Variants in TRAK2 observed in about 807,000 individuals in gnomAD.
TRAK2 encodes the protein trafficking kinesin protein 2.
TRAK2 carries 81 observed loss-of-function variants against 104.6 expected under a neutral mutation model. The ratio of observed to expected loss-of-function variants is 0.77; its 90% CI spans 0.65 to 0.93. The LOEUF (loss-of-function observed/expected upper bound fraction) is 0.93, where lower values mean the gene tolerates loss of function less well. TRAK2 is among the 40% of genes least tolerant of loss of function. TRAK2 has a pLI of 0.00. For synonymous variants in TRAK2, 406 were observed against 394.4 expected (o/e 1.03, Z -0.35); for missense variants, 1,002 against 1,089.0 (o/e 0.92, Z 1.12).
intron 7 of TRAK2, among the ~76,000 whole-genome samples, chr2:201,396,784 G>A (rs984708872): frequency 3.9e-5 from 6 of 152,058 alleles, no homozygotes; most frequent in Admixed American, 6.6e-5. Flanking sequence ...CTGGACAAAC[G>A]GATGATTCAT....
rs1236962789 is a variant in TRAK2 at position 201,398,232 on chromosome 2, A to G, written c.603T>C (p.Phe201=). ...CSTPLRFNES[F]SLSQGLLQLE... The stretch of plus-strand genomic sequence containing the variant: ...ACTGCAGCAACCCTTGAGATAAGCT[A>G]AAGGACTCATTGAACCGAAGAGGTG... The change falls in exon 6 of 16, where the codon TTT becomes TTC. Residue 201 remains phenylalanine, a synonymous_variant. Coordinates refer to ENST00000332624, the MANE Select transcript of TRAK2 (RefSeq NM_015049.3). The G allele has an allele frequency of 1.9e-6, 3 of 1,613,800 alleles. No individual in the cohort carries two copies. The highest frequency in any genetic ancestry group is 2.2e-5 in the South Asian group (2 of 91,068).
intron 1 of TRAK2, among the ~76,000 whole-genome samples, chr2:201,436,597 A>G (rs1951881209): frequency 6.6e-6 from 1 of 152,240 alleles, no homozygotes. Context: ...ACAAATTTTA[A>G]AAACAGCAAC....
chr2:201,432,571 A>G (rs1386842728), intron 1 of TRAK2, among the ~76,000 whole-genome samples: 1 of 152,220 alleles, frequency 6.6e-6, no homozygotes, highest in African/African-American at 2.4e-5. Flanking sequence ...GAACAACCAA[A>G]ACATGTCATT....
intron 5 of TRAK2, 51 bp downstream of exon 5, chr2:201,399,326 T>C (rs1227178310): frequency 7.8e-7 from 1 of 1,285,938 alleles, no homozygotes; most frequent in African/African-American, 1.5e-5. Flanking sequence ...AAATTTTCAA[T>C]TGCATAAAAC....
intron 2 of TRAK2, among the ~76,000 whole-genome samples, chr2:201,417,504 GAACATTTC>G (rs745493680): frequency 6.6e-6 from 1 of 152,004 alleles, no homozygotes; most frequent in Non-Finnish European, 1.5e-5. Flanking sequence ...AAAACCATAT[GAACATTTC>G]AACAGAGGCA....
chr2:201,446,800 A>AT (rs1340091695), intron 1 of TRAK2, among the ~76,000 whole-genome samples: 1 of 152,256 alleles, frequency 6.6e-6, no homozygotes, highest in Non-Finnish European at 1.5e-5. Context: ...TGTCTATTAA[A>AT]TACATAAGAT....
intron 1 of TRAK2, among the ~76,000 whole-genome samples, chr2:201,432,531 A>G (rs148075503): frequency 6.6e-6 from 1 of 152,376 alleles, no homozygotes; most frequent in Non-Finnish European, 1.5e-5. Context: ...TAATCAAGTA[A>G]CTTATTTTAA....
Position 201,407,612 on chromosome 2 carries a change from C to G in TRAK2, c.92-15G>C. 1 of 1,599,148 alleles carries G rather than the reference C, an allele frequency of 6.3e-7. No individual in the cohort carries two copies. Among genetic ancestry groups the G allele is most frequent in the Non-Finnish European group, 8.5e-7 (1 of 1,173,964 alleles). On this transcript the variant is annotated splice_polypyrimidine_tract_variant and intron_variant, in intron 2 of 15. Transcript: ENST00000332624. ...GGAGCAGACATCTAAAGAGGAGAGT[C>G]TATGTAAATGAATCCAATATATTTC...
intron 1 of TRAK2, among the ~76,000 whole-genome samples, chr2:201,432,021 T>G (rs1002525314): frequency 1.3e-5 from 2 of 152,236 alleles, no homozygotes; most frequent in Admixed American, 6.5e-5. Flanking sequence ...TAGTAAATGC[T>G]ATGCAAGTAC....
At chr2:201,409,914 A>T (rs1490412553) in intron 2 of TRAK2, among the ~76,000 whole-genome samples, 1 of 152,264 alleles carries the variant, frequency 6.6e-6, no homozygotes, top group African/African-American at 2.4e-5. Context: ...TTCACAAGCC[A>T]AAATAAACAT....
chr2:201,448,747 A>G (rs1951985404), intron 1 of TRAK2, among the ~76,000 whole-genome samples: 1 of 152,188 alleles, frequency 6.6e-6, no homozygotes, highest in Non-Finnish European at 1.5e-5. Flanking sequence ...CTCGTATTTT[A>G]ATTTTTTTTA....
intron 6 of TRAK2, 28 bp from the exon 7 acceptor site, chr2:201,397,608 A>G: frequency 6.9e-7 from 1 of 1,446,974 alleles, no homozygotes. Context: ...GTATGTGACA[A>G]TACCTTCTAG....
chr2:201,413,684 G>C (rs1951668210), intron 2 of TRAK2, among the ~76,000 whole-genome samples: 1 of 151,848 alleles, frequency 6.6e-6, no homozygotes, highest in African/African-American at 2.4e-5. Flanking sequence ...GAGACTTAAA[G>C]ATGGGTAACT....
At chr2:201,412,539 AG>A in intron 2 of TRAK2, 1 of 1,221,116 alleles carries the variant, frequency 8.2e-7, no homozygotes. Flanking sequence ...TATTAAATAC[AG>A]CATACATAAC....
chr2:201,426,036 G>A (rs1204511908), intron 1 of TRAK2, among the ~76,000 whole-genome samples: 1 of 151,608 alleles, frequency 6.6e-6, no homozygotes, highest in Non-Finnish European at 1.5e-5. Flanking sequence ...TATATGTTTC[G>A]CCTAAGGACT....
At chr2:201,410,485 A>G (rs55895674) in intron 2 of TRAK2, 2 of 766,382 alleles carry the variant, frequency 2.6e-6, no homozygotes, top group Non-Finnish European at 4.3e-6. Context: ...CCAACTACAT[A>G]AAGATGTAAA....
At chr2:201,450,411 C>CT (rs1952018981) in intron 1 of TRAK2, among the ~76,000 whole-genome samples, 1 of 150,540 alleles carries the variant, frequency 6.6e-6, no homozygotes, top group Non-Finnish European at 1.5e-5. Flanking sequence ...GAGACTCTGT[C>CT]TTAAAAAAAA....
chr2:201,429,212 G>A (rs939948485), intron 1 of TRAK2, among the ~76,000 whole-genome samples: 12 of 152,218 alleles, frequency 7.9e-5, no homozygotes, highest in Admixed American at 2.0e-4. Context: ...ATGTTGAATA[G>A]GAGTGGTGAG....
intron 2 of TRAK2, among the ~76,000 whole-genome samples, chr2:201,409,338 A>G (rs1951624007): frequency 6.6e-6 from 1 of 152,184 alleles, no homozygotes; most frequent in South Asian, 2.1e-4. Flanking sequence ...AGAAATCTCA[A>G]AAGTTTACTT....
Sources: allele counts gnomAD v4.1 joint callset (sites outside exome capture counted in the v4.1 genomes callset), GRCh38; gene constraint gnomAD v4.1.1; transcripts MANE v1.5; gene names NCBI Gene and HGNC (gene_info 2026-07-23, HGNC 2026-07-21).